Variants in DAB1 observed in about 807,000 individuals in gnomAD.
DAB1 encodes the protein disabled homolog 1.
In DAB1, 15 loss-of-function variants were observed where a neutral mutation model predicts 64.6. That is an observed-to-expected ratio of 0.23 (90% confidence interval 0.16 to 0.36). The LOEUF (loss-of-function observed/expected upper bound fraction) is 0.36, where lower values mean the gene tolerates loss of function less well. DAB1 is among the 10% of genes least tolerant of loss of function. The pLI, the probability that DAB1 is intolerant of heterozygous loss-of-function variation, is 1.00. For synonymous variants in DAB1, 235 were observed against 251.9 expected, an observed-to-expected ratio of 0.93 and a Z score of 0.64; for missense variants, 596 against 706.7, an observed-to-expected ratio of 0.84 and a Z score of 1.78.
intron 3 of DAB1, among the ~76,000 whole-genome samples, chr1:58,387,796 G>A (rs577738034): frequency 7.0e-5 from 10 of 143,388 alleles, no homozygotes; most frequent in African/African-American, 1.3e-4. Context: ...GTGCAATCTC[G>A]GCTCACTGCA....
chr1:57,287,252 T>G (rs967801553), intron 2 of DAB1, among the ~76,000 whole-genome samples: 4 of 152,182 alleles, frequency 2.6e-5, no homozygotes, highest in African/African-American at 9.6e-5. Flanking sequence ...TTGCATTTTT[T>G]TTTGTAAAGA....
chr1:57,400,992 T>TAAA (rs1269623835), intron 1 of DAB1, among the ~76,000 whole-genome samples: 2 of 90,338 alleles, frequency 2.2e-5, no homozygotes, highest in African/African-American at 3.8e-5. Flanking sequence ...AAGCTCTCTC[T>TAAA]TAAAAAAAAA....
At chr1:58,227,982 C>T (rs1441922274) in intron 4 of DAB1, among the ~76,000 whole-genome samples, 2 of 152,216 alleles carry the variant, frequency 1.3e-5, no homozygotes, top group Non-Finnish European at 2.9e-5. Flanking sequence ...GACATCGTTG[C>T]TTTAAAAACA....
chr1:57,139,549 A>G (rs1256676110), intron 3 of DAB1, among the ~76,000 whole-genome samples: 1 of 152,054 alleles, frequency 6.6e-6, no homozygotes, highest in Non-Finnish European at 1.5e-5. Flanking sequence ...AGCGGAGGAG[A>G]CTCTCTCCTT....
intron 9 of DAB1, among the ~76,000 whole-genome samples, chr1:57,046,397 C>T (rs1648499612): frequency 6.6e-6 from 1 of 152,148 alleles, no homozygotes; most frequent in Non-Finnish European, 1.5e-5. Context: ...TTTTCTTATT[C>T]CCCATGATCA....
At chr1:57,304,109 A>C (rs1313886282) in intron 1 of DAB1, among the ~76,000 whole-genome samples, 3 of 152,152 alleles carry the variant, frequency 2.0e-5, no homozygotes, top group Non-Finnish European at 2.9e-5. Flanking sequence ...TATCTGGCTC[A>C]TGGTTCTGGG....
At chr1:57,676,770 G>C (rs534488714) in intron 6 of DAB1, among the ~76,000 whole-genome samples, 1 of 152,286 alleles carries the variant, frequency 6.6e-6, no homozygotes, top group East Asian at 1.9e-4. Context: ...TGGGCTTTAA[G>C]TGCTATCTCC....
intron 4 of DAB1, among the ~76,000 whole-genome samples, chr1:58,198,715 T>C (rs1460087852): frequency 1.3e-5 from 2 of 152,092 alleles, no homozygotes; most frequent in East Asian, 3.9e-4. Flanking sequence ...TGGTTCAGGA[T>C]TGAGGGCAAG....
intron 3 of DAB1, among the ~76,000 whole-genome samples, chr1:58,498,407 C>A (rs1385923530): frequency 6.6e-6 from 1 of 151,924 alleles, no homozygotes; most frequent in African/African-American, 2.4e-5. Flanking sequence ...CCTTTACTAC[C>A]ACCTCTATTT....
chr1:57,857,853 C>CAAAA (rs761614350), intron 1 of DAB1, among the ~76,000 whole-genome samples: 3 of 53,470 alleles, frequency 5.6e-5, no homozygotes, highest in East Asian at 1.5e-3. Context: ...AATGTTCATA[C>CAAAA]AAAAAAAAAA....
At chr1:57,436,503 G>C (rs990673695) in intron 7 of DAB1, among the ~76,000 whole-genome samples, 5 of 152,188 alleles carry the variant, frequency 3.3e-5, no homozygotes, top group South Asian at 2.1e-4. Flanking sequence ...ACTATTCTAT[G>C]ATCGCTCACC....
At chr1:58,334,801 A>C (rs1663070408) in intron 4 of DAB1, among the ~76,000 whole-genome samples, 1 of 151,894 alleles carries the variant, frequency 6.6e-6, no homozygotes. Flanking sequence ...GCCAGCACAG[A>C]GTAGTGTATT....
intron 1 of DAB1, among the ~76,000 whole-genome samples, chr1:57,849,522 C>T (rs751414969): frequency 2.0e-5 from 3 of 152,084 alleles, no homozygotes; most frequent in Non-Finnish European, 4.4e-5. Flanking sequence ...CAGTTGAAGG[C>T]GTGATTCACA....
intron 12 of DAB1, among the ~76,000 whole-genome samples, chr1:57,011,519 C>T (rs550714854): frequency 2.6e-5 from 4 of 152,172 alleles, no homozygotes; most frequent in Non-Finnish European, 5.9e-5. Flanking sequence ...AAGGATGGTC[C>T]TTGGACAAGC....
At chr1:57,145,193 T>A (rs1438200100) in intron 3 of DAB1, 97 bp downstream of exon 3, 2 of 1,247,242 alleles carry the variant, frequency 1.6e-6, no homozygotes, top group African/African-American at 3.0e-5. Context: ...AATTTACCAA[T>A]AAATGAATAA....
chr1:58,510,189 A>G (rs1260818170), intron 2 of DAB1, among the ~76,000 whole-genome samples: 4 of 152,108 alleles, frequency 2.6e-5, no homozygotes. Flanking sequence ...AAAAAAAATT[A>G]CGGGCCAATA....
At chr1:57,005,073 G>C (rs1237782298) in intron 14 of DAB1, among the ~76,000 whole-genome samples, 1 of 152,138 alleles carries the variant, frequency 6.6e-6, no homozygotes, top group Non-Finnish European at 1.5e-5. Context: ...ACACTGAATG[G>C]ATTTGATGAT....
intron 14 of DAB1, among the ~76,000 whole-genome samples, chr1:57,000,714 C>T (rs373476103): frequency 9.2e-5 from 14 of 152,154 alleles, no homozygotes; most frequent in African/African-American, 1.7e-4. Context: ...GCTTCAAGCA[C>T]GCATATTAAT....
chr1:58,508,206 G>A (rs1646020043), intron 2 of DAB1, among the ~76,000 whole-genome samples: 1 of 152,170 alleles, frequency 6.6e-6, no homozygotes, highest in African/African-American at 2.4e-5. Flanking sequence ...GTTAAGATAA[G>A]AGTGTTGAGT....
Sources: allele counts gnomAD v4.1 joint callset (sites outside exome capture counted in the v4.1 genomes callset), GRCh38; gene constraint gnomAD v4.1.1; transcripts MANE v1.5; gene names NCBI Gene and HGNC (gene_info 2026-07-23, HGNC 2026-07-21).